The following SEMA4C variants were observed in gnomAD, a reference collection of about 807,000 sequenced individuals.
SEMA4C encodes the protein semaphorin 4C, also known as semaphorin-4C.
In SEMA4C, 19 loss-of-function variants were observed where a neutral mutation model predicts 89.0. The observed-to-expected ratio is 0.21, with a 90% CI of 0.15 to 0.31. The LOEUF (loss-of-function observed/expected upper bound fraction) is 0.31. SEMA4C is among the 10% of genes least tolerant of loss of function. SEMA4C has a pLI of 1.00. For synonymous variants in SEMA4C, 428 were observed against 472.7 expected (o/e 0.91, Z 1.23); for missense variants, 811 against 1,107.0 (o/e 0.73, Z 3.79).
At chr2:96,867,994 A>AG in intron 1 of SEMA4C, 71 bp from the exon 2 acceptor site, 1 of 1,566,048 alleles carries the variant, frequency 6.4e-7, no homozygotes, top group Non-Finnish European at 8.6e-7. Flanking sequence ...GCAGCAGGAG[A>AG]GGCCACAGGA....
rs761626043 is a variant in SEMA4C, at chr2:96,861,880, G to A, written c.1458C>T (p.Ala486=). 12 of 1,610,864 alleles carry A rather than the reference G, an allele frequency of 7.4e-6. No individual in the cohort carries two copies. The highest frequency in any genetic ancestry group is 5.0e-5 in the Admixed American group (3 of 59,708). The change falls in exon 13 of 15, where the codon GCC becomes GCT. Residue 486 remains alanine, a synonymous_variant. Transcript: ENST00000305476. This position sits in a 1 kb window ranked among gnomAD's most constrained non-coding sequence, Gnocchi z 7.8. ...VLSQSKKLLF[A]GSRSQLVQLP... is the part of the protein sequence containing the mutation. ...GCTGCACCAGCTGAGAGCGGGAGCC[G>A]GCAAAGAGCAGCTTCTGCGAGAAAA...
chr2:96,867,628 A>C, intron 2 of SEMA4C, 150 bp downstream of exon 2: 1 of 811,658 alleles, frequency 1.2e-6, no homozygotes, highest in Non-Finnish European at 2.0e-6. Context: ...AGAGGAGGCT[A>C]ATCCCAGGTC....
rs1028841034 is a variant in SEMA4C, at chr2:96,866,594, C to A, written c.110-163G>T. 5.3e-6 allele frequency: 5 copies of A among 945,148 alleles called. No homozygotes were observed. In the Admixed American group the frequency reaches 6.0e-5, roughly 11 times the overall value. 58.5% of individuals were successfully genotyped at this position (945,148 alleles called of 1,614,324 possible). A position where few individuals can be genotyped will look rare whatever the true frequency, so the allele number is the denominator to read the frequency against. On this transcript the variant is annotated intron_variant, in intron 2 of 14. Transcript: ENST00000305476. ...TGAAACAGCCTTTGGCCCTGACAGC[C>A]CCACCTGGGCCTCCCTAGCCTTTCC...
chr2:96,866,655 G>A, intron 2 of SEMA4C: 2 of 693,972 alleles, frequency 2.9e-6, no homozygotes, highest in South Asian at 1.5e-5. Context: ...CTGCTGGGAG[G>A]AAGGAAGGAT....
rs764230968 is a variant in SEMA4C, at chr2:96,864,959, G to A, written c.786+5C>T. ...CCCAGGGCCCACCGCTGTGAGACTC[G>A]GTACCTTGCAGACACGGGCCACACG... On this transcript the variant is annotated splice_donor_5th_base_variant and intron_variant, in intron 8 of 14. Transcript: ENST00000305476. The surrounding 1 kb of genome is among the most constrained non-coding windows in gnomAD (Gnocchi z 6.3). 3.1e-6 allele frequency: 5 copies of A among 1,591,616 alleles called. No homozygotes were observed. Among genetic ancestry groups the A allele is most frequent in the Admixed American group, 3.6e-5 (2 of 56,030 alleles).
In SEMA4C at chr2:96,864,514, G is replaced by A; in HGVS notation, c.963-132C>T. On this transcript the variant is annotated intron_variant, in intron 9 of 14. Coordinates refer to ENST00000305476, the MANE Select transcript of SEMA4C (RefSeq NM_017789.5). This position sits in a 1 kb window ranked among gnomAD's most constrained non-coding sequence, Gnocchi z 6.3. ...GTACCAGAATGCCCTGGCAGCTCAA[G>A]TGCCACCTGGCATGGGGCCCTGCCC... 7.0e-7 allele frequency: 1 copy of A among 1,427,276 alleles called. No individual in the cohort carries two copies. Among genetic ancestry groups the A allele is most frequent in the Admixed American group, 1.9e-5 (1 of 53,024 alleles). 88.4% of individuals were successfully genotyped at this position (1,427,276 alleles called of 1,614,324 possible).
intron 5 of SEMA4C, 31 bp downstream of exon 5, chr2:96,865,634 TG>T (rs963597839): frequency 6.9e-7 from 1 of 1,446,106 alleles, no homozygotes; most frequent in Non-Finnish European, 9.6e-7. Context: ...GGCGGGGGGC[TG>T]GGGACACCGA....
intron 4 of SEMA4C, 35 bp from the exon 5 acceptor site, chr2:96,865,799 C>T (rs770554694): frequency 2.2e-5 from 35 of 1,613,262 alleles, no homozygotes; most frequent in East Asian, 1.6e-4. Flanking sequence ...AGTGAGAGCG[C>T]GAGGGCCAGA....
At position 96,864,431 on chromosome 2, in the gene SEMA4C, C is replaced by T; in HGVS notation, c.963-49G>A. On this transcript the variant is annotated intron_variant, in intron 9 of 14. Transcript: ENST00000305476. The surrounding 1 kb of genome is among the most constrained non-coding windows in gnomAD (Gnocchi z 6.3). ...GGGTCAGGTACCCACCTTATCTCTT[C>T]CCACCCCAGCTAAGGGCAAGCAGCA... 6.2e-7 allele frequency: 1 copy of T among 1,605,748 alleles called. No homozygotes were observed. Among genetic ancestry groups the T allele is most frequent in the South Asian group, 1.1e-5 (1 of 90,826 alleles).
chr2:96,868,356 C>T, intron 1 of SEMA4C: 1 of 927,594 alleles, frequency 1.1e-6, no homozygotes, highest in Non-Finnish European at 1.3e-6. Flanking sequence ...GAGGAAGACT[C>T]CTTAGGGCGA....
Position 96,864,610 on chromosome 2 carries a change from C to T in SEMA4C, c.962+95G>A. ...GCTTCTGGACACCTGGCTTCCGGGA[C>T]TGCCTCTGAGGCCTGGTCCAGGCTC... On this transcript the variant is annotated intron_variant, in intron 9 of 14. Transcript: ENST00000305476. The surrounding 1 kb of genome is among the most constrained non-coding windows in gnomAD (Gnocchi z 6.3). 1.4e-6 allele frequency: 2 copies of T among 1,461,962 alleles called. No homozygotes were observed. Among genetic ancestry groups the T allele is most frequent in the Non-Finnish European group, 1.8e-6 (2 of 1,081,750 alleles). 90.6% of individuals were successfully genotyped at this position (1,461,962 alleles called of 1,614,324 possible). A position where few individuals can be genotyped will look rare whatever the true frequency, so the allele number is the denominator to read the frequency against.
rs1216768669 is a variant in SEMA4C at position 96,866,292 on chromosome 2, C to T, written c.249G>A (p.Leu83=). Reference sequence around the variant, plus strand: ...CTGCCCCACCTCTCACCGCTCCTTGCAGCTCCAGGGCCTCCATGCTGAAGG... The same window carrying T: ...CTGCCCCACCTCTCACCGCTCCTTGTAGCTCCAGGGCCTCCATGCTGAAGG... ...LFAFSMEALE[L]QGAISWEAPV... The change falls in exon 3 of 15, where the codon CTG becomes CTA. Residue 83 remains leucine, a synonymous_variant. Coordinates refer to ENST00000305476, the MANE Select transcript of SEMA4C (RefSeq NM_017789.5). 1 of 1,609,492 alleles carries T rather than the reference C, an allele frequency of 6.2e-7. No homozygotes were observed.
At chr2:96,868,437 G>A in intron 1 of SEMA4C, 1 of 1,001,120 alleles carries the variant, frequency 1.0e-6, no homozygotes, top group South Asian at 4.3e-5. Context: ...GGCTGCGAGC[G>A]GAGGTCCCGG....
At chr2:96,868,964 C>G (rs2080145305) in intron 1 of SEMA4C, 1 of 985,390 alleles carries the variant, frequency 1.0e-6, no homozygotes, top group Non-Finnish European at 1.2e-6. Context: ...ACCTGCTCAC[C>G]CCCAAACAAA....
chr2:96,863,209 C>CA lies in SEMA4C; in HGVS notation c.1443+472dup, dbSNP rs1041002394. 1,029 of 961,826 alleles carry CA rather than the reference C, an allele frequency of 1.1e-3. 1 individual carries two copies. Among genetic ancestry groups the CA allele is most frequent in the African/African-American group, 1.2e-3 (70 of 56,122 alleles). The allele number at this position is 961,826 out of a possible 1,614,324, so 59.6% of individuals were successfully genotyped here. A position where few individuals can be genotyped will look rare whatever the true frequency, so the allele number is the denominator to read the frequency against. ...TGGGTGACAGAGTGAGACTCCATCT[C>CA]AAAAAAAAACCAAAAAGAGTATTGC... On this transcript the variant is annotated intron_variant, in intron 12 of 14. Transcript: ENST00000305476.
Position 96,869,947 on chromosome 2 carries a change from C to T in SEMA4C, c.-109G>A, listed in dbSNP as rs1022403090. 1.4e-4 allele frequency: 143 copies of T among 986,904 alleles called. 3 individuals are homozygous for T. Among genetic ancestry groups the T allele is most frequent in the Non-Finnish European group, 3.1e-5 (26 of 830,840 alleles). The allele number at this position is 986,904 out of a possible 1,614,324, so 61.1% of individuals were successfully genotyped here. A position where few individuals can be genotyped will look rare whatever the true frequency, so the allele number is the denominator to read the frequency against. On this transcript the variant is annotated 5_prime_UTR_variant, in exon 1 of 15. Coordinates refer to ENST00000305476, the MANE Select transcript of SEMA4C (RefSeq NM_017789.5). ...TCTGACCGCCGTCCACCCCTGCCCC[C>T]GCGTCGCCGCCTGCCCGCGCTCGCC...
In SEMA4C at chr2:96,865,657, A is replaced by G. The variant is rs909839522; in HGVS notation, c.420+9T>C. ...GCTGGGGACACCGAGGTAGGAGGGC[A>G]GCACTCACGACGTAGGTGCACTTGG... On this transcript the variant is annotated intron_variant, in intron 5 of 14. Transcript: ENST00000305476. The G allele has an allele frequency of 6.2e-7, 1 of 1,612,236 alleles. No individual in the cohort carries two copies. Among genetic ancestry groups the G allele is most frequent in the Non-Finnish European group, 8.5e-7 (1 of 1,178,326 alleles).
intron 1 of SEMA4C, 90 bp from the exon 2 acceptor site, chr2:96,868,013 C>A: frequency 6.7e-7 from 1 of 1,496,302 alleles, no homozygotes. Context: ...GACTCCTCAT[C>A]AGGCCTTCCA....
intron 2 of SEMA4C, chr2:96,867,074 TACG>T (rs1574154517): frequency 3.5e-5 from 7 of 199,280 alleles, no homozygotes; most frequent in Admixed American, 2.7e-4. Flanking sequence ...TGCAGGGCAC[TACG>T]ACATTTATAC....
Sources: allele counts gnomAD v4.1 joint callset, GRCh38; gene constraint gnomAD v4.1.1; non-coding constraint Gnocchi (gnomAD v3.1); transcripts MANE v1.5; gene names NCBI Gene and HGNC (gene_info 2026-07-23, HGNC 2026-07-21).